The following B3GALT1 variants were observed in gnomAD, a reference collection of about 807,000 sequenced individuals.
B3GALT1 encodes beta-1,3-galactosyltransferase 1.
In B3GALT1, 10 loss-of-function variants were observed where a neutral mutation model predicts 23.2. The observed-to-expected ratio is 0.43, with a 90% confidence interval of 0.27 to 0.73. The LOEUF is 0.73. B3GALT1 is among the 30% of genes least tolerant of loss of function. The pLI is 0.21. For missense variants in B3GALT1, 299 were observed against 405.4 expected, an observed-to-expected ratio of 0.74 and a Z score of 2.25; for synonymous variants, 156 against 141.5, an observed-to-expected ratio of 1.10 and a Z score of -0.73.
intron 1 of B3GALT1, among the ~76,000 whole-genome samples, chr2:167,439,058 A>G (rs189793797): frequency 2.8e-3 from 421 of 152,374 alleles, no homozygotes; most frequent in South Asian, 0.02. Flanking sequence ...AAAGGCAATC[A>G]TGAGAAAGAA....
intron 2 of B3GALT1, among the ~76,000 whole-genome samples, chr2:167,572,450 G>T (rs554251908): frequency 2.0e-5 from 3 of 151,712 alleles, no homozygotes; most frequent in Non-Finnish European, 4.4e-5. Context: ...CAGATGCTTT[G>T]CTTCCTTTCT....
intron 1 of B3GALT1, among the ~76,000 whole-genome samples, chr2:167,400,053 T>C (rs1432419454): frequency 6.6e-6 from 1 of 152,120 alleles, no homozygotes. Flanking sequence ...TATTTACTTT[T>C]GCTCATTAGA....
intron 3 of B3GALT1, among the ~76,000 whole-genome samples, chr2:167,792,570 C>T (rs1287686095): frequency 1.3e-5 from 2 of 152,102 alleles, no homozygotes; most frequent in Non-Finnish European, 2.9e-5. Flanking sequence ...GAACAATGTC[C>T]TAAAAGAGCA....
intron 1 of B3GALT1, among the ~76,000 whole-genome samples, chr2:167,398,243 A>G (rs1206550140): frequency 1.3e-5 from 2 of 152,144 alleles, no homozygotes; most frequent in Non-Finnish European, 2.9e-5. Context: ...ATCCAAGGAA[A>G]GACCAAAAAG....
chr2:167,400,300 T>G (rs1031706441), intron 1 of B3GALT1, among the ~76,000 whole-genome samples: 3 of 151,944 alleles, frequency 2.0e-5, no homozygotes, highest in Non-Finnish European at 4.4e-5. Flanking sequence ...AATGTGCAAT[T>G]TTTTGGTCAC....
chr2:167,305,759 T>C (rs1192730920), intron 1 of B3GALT1, among the ~76,000 whole-genome samples: 1 of 152,150 alleles, frequency 6.6e-6, no homozygotes, highest in Non-Finnish European at 1.5e-5. Context: ...TCAGCATCTG[T>C]TTAACTATCT....
In B3GALT1 at chr2:167,426,314, G is replaced by A. The variant is rs561030002; in HGVS notation, c.-510-63863G>A. On this transcript the variant is annotated intron_variant, in intron 1 of 4. Coordinates refer to ENST00000392690, the MANE Select transcript of B3GALT1 (RefSeq NM_020981.4). The stretch of plus-strand genomic sequence containing the variant: ...TTTTGAGATGGAGTCTTGCTCTGTC[G>A]CCCAGGCTGGAGCGCAGTGGTGCAA... Among the ~76,000 whole-genome samples, 11 of 146,140 alleles carry A rather than the reference G, an allele frequency of 7.5e-5. No individual in the cohort carries two copies. The East Asian group carries it at 1.0e-3, about 13-fold the overall frequency.
chr2:167,474,798 A>G (rs1699467532), intron 1 of B3GALT1, among the ~76,000 whole-genome samples: 1 of 152,132 alleles, frequency 6.6e-6, no homozygotes, highest in Non-Finnish European at 1.5e-5. Context: ...GTGATTTTTG[A>G]CCCAGATGTT....
chr2:167,597,689 C>G (rs1239323296), intron 2 of B3GALT1, among the ~76,000 whole-genome samples: 1 of 152,114 alleles, frequency 6.6e-6, no homozygotes, highest in Admixed American at 6.5e-5. Flanking sequence ...GAAGCAAACC[C>G]CTAGGGTTTT....
rs115543594 is a variant in B3GALT1, at chr2:167,607,464, G to T, written c.-409-39445G>T. On this transcript the variant is annotated intron_variant, in intron 2 of 4. Transcript: ENST00000392690. The stretch of plus-strand genomic sequence containing the variant: ...CATATGACGCCACCTTATTACTTAC[G>T]ATCTTACTGCTAGTGCATATAACTT... Among the ~76,000 whole-genome samples the T allele has an allele frequency of 8.8e-3, 1,344 of 152,238 alleles. 11 individuals are homozygous for T. The highest frequency in any genetic ancestry group is 0.031 in the South Asian group (151 of 4,820).
intron 1 of B3GALT1, among the ~76,000 whole-genome samples, chr2:167,354,474 G>A (rs1213530025): frequency 1.3e-5 from 2 of 151,728 alleles, no homozygotes; most frequent in African/African-American, 4.8e-5. Flanking sequence ...AGCCTCCTGA[G>A]TAGCTAGGAC....
intron 3 of B3GALT1, among the ~76,000 whole-genome samples, chr2:167,768,177 T>C (rs946120065): frequency 3.3e-5 from 5 of 152,216 alleles, no homozygotes; most frequent in Non-Finnish European, 7.3e-5. Flanking sequence ...CCAAAAATAA[T>C]GTTTAACCAG....
At chr2:167,680,949 C>A (rs1686519087) in intron 3 of B3GALT1, among the ~76,000 whole-genome samples, 1 of 151,998 alleles carries the variant, frequency 6.6e-6, no homozygotes, top group African/African-American at 2.4e-5. Context: ...TGAATGTGTT[C>A]CAGTCATTTA....
intron 3 of B3GALT1, among the ~76,000 whole-genome samples, chr2:167,679,301 T>A (rs1426570295): frequency 6.6e-6 from 1 of 152,060 alleles, no homozygotes; most frequent in African/African-American, 2.4e-5. Context: ...GTATTATTAG[T>A]AGAGACAGGG....
At chr2:167,530,096 C>G (rs1024770562) in intron 2 of B3GALT1, among the ~76,000 whole-genome samples, 1 of 152,098 alleles carries the variant, frequency 6.6e-6, no homozygotes, top group Non-Finnish European at 1.5e-5. Flanking sequence ...ATCATGAAAG[C>G]CAATCCAATC....
intron 3 of B3GALT1, among the ~76,000 whole-genome samples, chr2:167,807,231 G>T (rs1688774542): frequency 6.6e-6 from 1 of 151,994 alleles, no homozygotes; most frequent in African/African-American, 2.4e-5. Context: ...CTTGCTAACG[G>T]TCTATCAATT....
chr2:167,649,637 T>C (rs2105462776), intron 3 of B3GALT1, among the ~76,000 whole-genome samples: 1 of 152,266 alleles, frequency 6.6e-6, no homozygotes, highest in South Asian at 2.1e-4. Context: ...GTAATTTGTT[T>C]CCTTTTTAAT....
At chr2:167,351,791 C>T (rs1356209596) in intron 1 of B3GALT1, among the ~76,000 whole-genome samples, 2 of 152,154 alleles carry the variant, frequency 1.3e-5, no homozygotes, top group Non-Finnish European at 2.9e-5. Context: ...AAACTGTTCT[C>T]ATCTAAGTTT....
chr2:167,412,747 A>C (rs1221934433), intron 1 of B3GALT1, among the ~76,000 whole-genome samples: 2 of 152,090 alleles, frequency 1.3e-5, no homozygotes. Flanking sequence ...ATAGAGACAA[A>C]ATAAATGTGT....
Sources: allele counts gnomAD v4.1 joint callset (sites outside exome capture counted in the v4.1 genomes callset), GRCh38; gene constraint gnomAD v4.1.1; transcripts MANE v1.5; gene names NCBI Gene and HGNC (gene_info 2026-07-23, HGNC 2026-07-21).